PPP2R3A: variants seen among roughly 807,000 people sequenced by gnomAD.
The protein encoded by PPP2R3A is protein phosphatase 2 regulatory subunit B''alpha, also known as serine/threonine-protein phosphatase 2A regulatory subunit B'' subunit alpha.
PPP2R3A carries 80 observed loss-of-function variants against 106.9 expected under a neutral mutation model. That is an observed-to-expected ratio of 0.75 (90% CI 0.62 to 0.90). PPP2R3A has a LOEUF of 0.90. Ranked by LOEUF, PPP2R3A falls within the 40% of genes least tolerant of loss-of-function variation. PPP2R3A has a pLI of 0.00. For synonymous variants in PPP2R3A, 483 were observed against 468.3 expected (o/e 1.03, Z -0.41); for missense variants, 1,386 against 1,350.4 (o/e 1.03, Z -0.41).
At position 136,055,244 on chromosome 3, in the gene PPP2R3A, C is replaced by T. The variant is rs975661132; in HGVS notation, c.2469+5883C>T. The T allele has an allele frequency of 1.6e-5, 13 of 814,712 alleles. No individual in the cohort carries two copies. The Admixed American group carries it at 1.9e-4, about 12-fold the overall frequency. 50.5% of individuals were successfully genotyped at this position (814,712 alleles called of 1,614,324 possible). A position where few individuals can be genotyped will look rare whatever the true frequency, so the allele number is the denominator to read the frequency against. On this transcript the variant is annotated intron_variant, in intron 5 of 13. Transcript: ENST00000264977. ...GCCAGACATACTTTCTATCAAGCTG[C>T]GTAAAAAGAAACATGAAGTACAAAT...
At chr3:136,040,997 A>G (rs1935248195) in intron 4 of PPP2R3A, 35 bp downstream of exon 4, 1 of 1,566,298 alleles carries the variant, frequency 6.4e-7, no homozygotes, top group Admixed American at 1.7e-5. Context: ...GAGCTAGGCA[A>G]AGAATTGTGT....
chr3:136,049,433 T>C, intron 5 of PPP2R3A, 72 bp downstream of exon 5: 1 of 1,105,724 alleles, frequency 9.0e-7, no homozygotes, highest in South Asian at 1.3e-5. Flanking sequence ...AATTTACAAC[T>C]ATAACATGTC....
intron 1 of PPP2R3A, among the ~76,000 whole-genome samples, chr3:135,989,245 A>T (rs1474052259): frequency 6.6e-6 from 1 of 152,162 alleles, no homozygotes; most frequent in Admixed American, 6.6e-5. Context: ...GGAGACCCAG[A>T]GGACACATGA....
chr3:135,968,430 G>A (rs1937151284), intron 1 of PPP2R3A, among the ~76,000 whole-genome samples: 1 of 152,174 alleles, frequency 6.6e-6, no homozygotes, highest in Non-Finnish European at 1.5e-5. Context: ...ACTAGGTGAA[G>A]CTCACGGGAA....
chr3:136,089,185 A>G (rs997267347), intron 9 of PPP2R3A, among the ~76,000 whole-genome samples: 1 of 152,148 alleles, frequency 6.6e-6, no homozygotes, highest in Admixed American at 6.5e-5. Context: ...GGTATTTCCT[A>G]GGGTTTTTTC....
intron 3 of PPP2R3A, among the ~76,000 whole-genome samples, chr3:136,029,601 A>G (rs1017400849): frequency 4.6e-5 from 7 of 152,256 alleles, no homozygotes; most frequent in Admixed American, 6.5e-5. Context: ...ATGTGGCATC[A>G]GAAAAAAACA....
chr3:136,003,262 A>C lies in PPP2R3A; in HGVS notation c.1764A>C (p.Arg588=), dbSNP rs755829831. Residue 588 remains arginine, a synonymous_variant, in exon 2 of 14, where the codon CGA becomes CGC. Coordinates refer to ENST00000264977, the MANE Select transcript of PPP2R3A (RefSeq NM_002718.5). ...TNGHKIEEED[R]ALLLRILESI... is the part of the protein sequence containing the mutation. ...GACACAAAATAGAGGAAGAGGATCG[A>C]GCCCTCTTACTGCGAATCCTGGAAA... The C allele has an allele frequency of 1.2e-5, 20 of 1,613,762 alleles. No individual in the cohort carries two copies. In the South Asian group the frequency reaches 2.2e-4, roughly 18 times the overall value.
intron 8 of PPP2R3A, among the ~76,000 whole-genome samples, chr3:136,087,238 T>C (rs1389546394): frequency 1.3e-5 from 2 of 149,000 alleles, no homozygotes; most frequent in African/African-American, 2.5e-5. Context: ...AACAGGTCTC[T>C]AGTCGTGTCT....
At position 136,065,326 on chromosome 3, in the gene PPP2R3A, A is replaced by C. The variant is rs1187609375; in HGVS notation, c.2470-5152A>C. Among the ~76,000 whole-genome samples the C allele has an allele frequency of 1.4e-4, 22 of 152,216 alleles. 1 individual carries two copies. Among genetic ancestry groups the C allele is most frequent in the Admixed American group, 1.4e-3 (22 of 15,284 alleles). The stretch of plus-strand genomic sequence containing the variant: ...GTTTAGTTATAGAGATAACCAGCAA[A>C]AGACCTAAAAGTGTAAATGATTGGA... On this transcript the variant is annotated intron_variant, in intron 5 of 13. Transcript: ENST00000264977.
At chr3:136,143,568 T>A (rs1263203710) in intron 13 of PPP2R3A, among the ~76,000 whole-genome samples, 1 of 151,986 alleles carries the variant, frequency 6.6e-6, no homozygotes, top group Non-Finnish European at 1.5e-5. Context: ...GACAGGTGGA[T>A]CACTTGAGGT....
intron 13 of PPP2R3A, among the ~76,000 whole-genome samples, chr3:136,112,592 AC>A (rs1207682926): frequency 4.6e-5 from 7 of 152,234 alleles, no homozygotes; most frequent in Admixed American, 1.3e-4. Flanking sequence ...AGATCTCTCT[AC>A]AACAGTAATT....
At chr3:136,078,564 G>A in intron 7 of PPP2R3A, 111 bp downstream of exon 7, 1 of 700,762 alleles carries the variant, frequency 1.4e-6, no homozygotes, top group Non-Finnish European at 2.4e-6. Context: ...ACTACTTTCA[G>A]TCATTAAGCA....
At chr3:136,106,926 CAAAAAAAAAAAAAAAAAA>C (rs36029618) in intron 13 of PPP2R3A, 12,238 of 42,228 alleles carry the variant, frequency 0.29, 819 homozygotes, top group African/African-American at 0.37. Context: ...ACTCCGTCTC[CAAAAAAAAAAAAAAAAAA>C]AAAAAAAAAA....
intron 2 of PPP2R3A, among the ~76,000 whole-genome samples, chr3:136,010,651 C>T (rs1934035391): frequency 6.6e-6 from 1 of 152,102 alleles, no homozygotes. Context: ...TGGTCTTGAA[C>T]TCCTGAGCTT....
intron 1 of PPP2R3A, among the ~76,000 whole-genome samples, chr3:135,992,043 T>A (rs1310637214): frequency 6.6e-6 from 1 of 152,142 alleles, no homozygotes; most frequent in Non-Finnish European, 1.5e-5. Context: ...CTCAACTATA[T>A]TAATTTTATT....
At chr3:135,973,867 T>A (rs1937318906) in intron 1 of PPP2R3A, among the ~76,000 whole-genome samples, 1 of 152,192 alleles carries the variant, frequency 6.6e-6, no homozygotes, top group Non-Finnish European at 1.5e-5. Context: ...CTCTCTTGAC[T>A]TTGCATTCCC....
At chr3:135,979,047 T>C (rs1937498553) in intron 1 of PPP2R3A, among the ~76,000 whole-genome samples, 3 of 151,884 alleles carry the variant, frequency 2.0e-5, no homozygotes, top group Admixed American at 1.3e-4. Context: ...TGTAAATGAT[T>C]TTAAAAATTT....
chr3:136,088,957 A>G (rs914285520), intron 9 of PPP2R3A, among the ~76,000 whole-genome samples: 1 of 151,958 alleles, frequency 6.6e-6, no homozygotes, highest in East Asian at 1.9e-4. Context: ...TGTTGATTTA[A>G]GTTCGATATA....
Position 136,069,410 on chromosome 3 carries a change from C to T in PPP2R3A, c.2470-1068C>T, listed in dbSNP as rs956137582. On this transcript the variant is annotated intron_variant, in intron 5 of 13. Coordinates refer to ENST00000264977, the MANE Select transcript of PPP2R3A (RefSeq NM_002718.5). Reference sequence around the variant, plus strand: ...TGGCCAGCATGGTGAAACCTTGTCTCTACTAAAAATACAAAAATTAACCTG... The same window carrying T: ...TGGCCAGCATGGTGAAACCTTGTCTTTACTAAAAATACAAAAATTAACCTG... Among the ~76,000 whole-genome samples the T allele has an allele frequency of 2.6e-5, 4 of 152,000 alleles. No homozygotes were observed. In the East Asian group the frequency reaches 5.8e-4, roughly 22 times the overall value.
Sources: allele counts gnomAD v4.1 joint callset (sites outside exome capture counted in the v4.1 genomes callset), GRCh38; gene constraint gnomAD v4.1.1; transcripts MANE v1.5; gene names NCBI Gene and HGNC (gene_info 2026-07-23, HGNC 2026-07-21).